The following TANGO6 variants were observed in gnomAD, a reference collection of about 807,000 sequenced individuals.
The protein encoded by TANGO6 is transport and Golgi organization protein 6 homolog.
In TANGO6, 90 loss-of-function variants were observed where a neutral mutation model predicts 114.2. That is an observed-to-expected ratio of 0.79 (90% CI 0.66 to 0.94). The LOEUF is 0.94. Ranked by LOEUF, TANGO6 falls within the 40% of genes least tolerant of loss-of-function variation. The probability of loss-of-function intolerance (pLI) is 0.00; values close to 1 mark genes in which losing one functional copy is unlikely to be tolerated. For synonymous variants in TANGO6, 477 were observed against 509.8 expected (o/e 0.94, Z 0.87); for missense variants, 1,274 against 1,315.3 (o/e 0.97, Z 0.49).
At chr16:68,904,531 A>G (rs1962824503) in intron 9 of TANGO6, among the ~76,000 whole-genome samples, 2 of 152,214 alleles carry the variant, frequency 1.3e-5, no homozygotes, top group South Asian at 4.1e-4. Flanking sequence ...ACATTGAGAC[A>G]TACTGCCTGA....
At chr16:68,898,945 C>CTTT (rs1962745666) in intron 7 of TANGO6, among the ~76,000 whole-genome samples, 1 of 100,242 alleles carries the variant, frequency 1.0e-5, no homozygotes, top group South Asian at 3.2e-4. Context: ...CAATTATCTG[C>CTTT]CTTATTATTA....
chr16:69,056,962 G>A (rs1450762280), intron 17 of TANGO6, among the ~76,000 whole-genome samples: 1 of 147,134 alleles, frequency 6.8e-6, no homozygotes, highest in Non-Finnish European at 1.5e-5. Flanking sequence ...TTACAGGCAT[G>A]AGCCACCAAG....
chr16:68,880,933 G>A (rs1340158134), intron 7 of TANGO6, among the ~76,000 whole-genome samples: 12 of 152,044 alleles, frequency 7.9e-5, no homozygotes, highest in Admixed American at 5.9e-4. Context: ...GTAAGCTGAC[G>A]TTTTTTGTCT....
intron 14 of TANGO6, among the ~76,000 whole-genome samples, chr16:68,943,427 A>G (rs908768904): frequency 4.8e-5 from 7 of 146,800 alleles, no homozygotes; most frequent in African/African-American, 1.8e-4. Context: ...GCAGTGGCGC[A>G]GTCTTGGCTC....
rs375547931 is a variant in TANGO6, at chr16:68,911,684, G to C, written c.1992+2282G>C. On this transcript the variant is annotated intron_variant, in intron 11 of 17. Coordinates refer to ENST00000261778, the MANE Select transcript of TANGO6 (RefSeq NM_024562.2). Reference sequence around the variant, plus strand: ...CACCTGTCTCGGCCCAAAGTGCTGGGATTACAGGCATGAGCCACTGTGCCC... The same window carrying C: ...CACCTGTCTCGGCCCAAAGTGCTGGCATTACAGGCATGAGCCACTGTGCCC... Among the ~76,000 whole-genome samples, 49 of 152,204 alleles carry C rather than the reference G, an allele frequency of 3.2e-4. No homozygotes were observed. The South Asian group carries it at 1.0e-2, about 31-fold the overall frequency.
intron 17 of TANGO6, among the ~76,000 whole-genome samples, chr16:69,042,855 G>C (rs1959794841): frequency 6.6e-6 from 1 of 152,052 alleles, no homozygotes; most frequent in East Asian, 1.9e-4. Flanking sequence ...GGAATGGAGG[G>C]GTATACAGGG....
At chr16:68,860,613 T>A (rs939295608) in intron 2 of TANGO6, 89 bp downstream of exon 2, 1 of 1,473,544 alleles carries the variant, frequency 6.8e-7, no homozygotes, top group Non-Finnish European at 9.1e-7. Context: ...AAAAGGCAAC[T>A]CTTAGTTCTT....
intron 4 of TANGO6, among the ~76,000 whole-genome samples, chr16:68,868,844 G>A (rs1239918628): frequency 6.6e-6 from 1 of 151,964 alleles, no homozygotes; most frequent in Non-Finnish European, 1.5e-5. Flanking sequence ...TTCAGTTTCA[G>A]GCATCATGTA....
chr16:68,931,530 C>T (rs559063980), intron 14 of TANGO6, among the ~76,000 whole-genome samples: 2 of 152,154 alleles, frequency 1.3e-5, no homozygotes, highest in East Asian at 3.9e-4. Context: ...AATGGATAAA[C>T]TAAATGTGGT....
At chr16:68,942,137 C>G (rs1198080933) in intron 14 of TANGO6, among the ~76,000 whole-genome samples, 1 of 152,092 alleles carries the variant, frequency 6.6e-6, no homozygotes, top group African/African-American at 2.4e-5. Context: ...CAAGACCAGC[C>G]TGGCCAACAT....
In TANGO6 at chr16:68,909,346, C is replaced by T. The variant is rs368944893; in HGVS notation, c.1936C>T (p.Leu646=). 77 of 1,607,524 alleles carry T rather than the reference C, an allele frequency of 4.8e-5. No homozygotes were observed. The highest frequency in any genetic ancestry group is 6.3e-5 in the Non-Finnish European group (74 of 1,176,578). The change falls in exon 11 of 18, where the codon CTG becomes TTG. Residue 646 remains leucine, a synonymous_variant. Coordinates refer to ENST00000261778, the MANE Select transcript of TANGO6 (RefSeq NM_024562.2). The part of the protein sequence containing the change: ...GQERKLLVLQ[L]MAVLCERMSE... ...AGAGCGGAAGCTGCTTGTCCTGCAG[C>T]TGATGGCTGTTCTGTGCGAGAGAAT...
intron 14 of TANGO6, among the ~76,000 whole-genome samples, chr16:68,933,292 G>A (rs1207908644): frequency 6.6e-6 from 1 of 152,162 alleles, no homozygotes. Context: ...GTGTGTGCCT[G>A]TAGTCCCGGT....
chr16:68,883,196 C>CA (rs1490649105), intron 7 of TANGO6, among the ~76,000 whole-genome samples: 5 of 151,370 alleles, frequency 3.3e-5, no homozygotes, highest in South Asian at 2.1e-4. Context: ...GACTCTGCCT[C>CA]AAAAAAAGAA....
chr16:69,048,443 G>T (rs1263358798), intron 17 of TANGO6, among the ~76,000 whole-genome samples: 1 of 151,636 alleles, frequency 6.6e-6, no homozygotes, highest in Non-Finnish European at 1.5e-5. Context: ...TTGTTCTGTT[G>T]CCCAGGCTAG....
chr16:68,901,857 A>G (rs1343441174), intron 8 of TANGO6, among the ~76,000 whole-genome samples: 1 of 152,178 alleles, frequency 6.6e-6, no homozygotes, highest in Non-Finnish European at 1.5e-5. Flanking sequence ...GACAAGGAAC[A>G]TGTGAACGAT....
chr16:68,912,440 C>G (rs1183999888), intron 11 of TANGO6, among the ~76,000 whole-genome samples: 1 of 151,786 alleles, frequency 6.6e-6, no homozygotes, highest in Non-Finnish European at 1.5e-5. Context: ...TTGAGACCAG[C>G]CTGGCCAACA....
intron 14 of TANGO6, among the ~76,000 whole-genome samples, chr16:68,943,780 G>T (rs1015767703): frequency 1.3e-5 from 2 of 152,064 alleles, no homozygotes; most frequent in Non-Finnish European, 2.9e-5. Flanking sequence ...TTTTATATGA[G>T]AATTTTATTT....
chr16:69,018,656 G>T (rs1959348238), intron 15 of TANGO6, among the ~76,000 whole-genome samples: 1 of 150,944 alleles, frequency 6.6e-6, no homozygotes, highest in African/African-American at 2.4e-5. Context: ...GGGCGCGGTG[G>T]CTCACGCCTG....
chr16:68,882,976 C>T (rs1433198310), intron 7 of TANGO6, among the ~76,000 whole-genome samples: 1 of 152,120 alleles, frequency 6.6e-6, no homozygotes, highest in Admixed American at 6.5e-5. Flanking sequence ...CGAGATTGTG[C>T]CACTGTACTC....
Sources: gnomAD v4.1 joint callset for allele counts (sites outside exome capture counted in the v4.1 genomes callset) on GRCh38, gnomAD v4.1.1 for gene constraint, MANE v1.5 for transcripts, NCBI Gene and HGNC (gene_info 2026-07-23, HGNC 2026-07-21) for gene names.